Variants in ZMAT5 observed in about 807,000 individuals in gnomAD.
ZMAT5 encodes zinc finger matrin-type 5.
Under a neutral mutation model 28.0 loss-of-function variants are expected in ZMAT5, and 23 were observed. The ratio of observed to expected loss-of-function variants is 0.82; its 90% confidence interval spans 0.59 to 1.16. The LOEUF (loss-of-function observed/expected upper bound fraction) is 1.16, where lower values mean the gene tolerates loss of function less well. ZMAT5 is among the 50% of genes most tolerant of loss of function. ZMAT5 has a pLI of 0.00. For synonymous variants in ZMAT5, 76 were observed against 84.1 expected, an observed-to-expected ratio of 0.90 and a Z score of 0.52; for missense variants, 173 against 212.7, an observed-to-expected ratio of 0.81 and a Z score of 1.16.
intron 1 of ZMAT5, among the ~76,000 whole-genome samples, chr22:29,749,618 T>C (rs1382950904): frequency 6.6e-6 from 1 of 152,214 alleles, no homozygotes; most frequent in Non-Finnish European, 1.5e-5. Context: ...CTGCTTTATT[T>C]TCCCTCATAG....
At chr22:29,752,397 C>A (rs947447441) in intron 1 of ZMAT5, among the ~76,000 whole-genome samples, 63 of 152,178 alleles carry the variant, frequency 4.1e-4, no homozygotes, top group Non-Finnish European at 4.6e-4. Context: ...CCATGGGGGG[C>A]AAACCAGCTA....
chr22:29,738,576 A>ATCCT, intron 4 of ZMAT5, 135 bp from the exon 5 acceptor site: 1 of 688,372 alleles, frequency 1.5e-6, no homozygotes, highest in Non-Finnish European at 2.5e-6. Flanking sequence ...AGGAGGATGC[A>ATCCT]CCTGGACTGC....
At chr22:29,738,208 C>T (rs912526631) in intron 5 of ZMAT5, 122 bp downstream of exon 5, 9 of 943,204 alleles carry the variant, frequency 9.5e-6, no homozygotes, top group Admixed American at 2.4e-5. Flanking sequence ...TATGTGTAGG[C>T]AACTTTATTC....
chr22:29,763,974 T>C (rs540769776), intron 1 of ZMAT5, among the ~76,000 whole-genome samples: 1 of 151,348 alleles, frequency 6.6e-6, no homozygotes, highest in South Asian at 2.1e-4. Flanking sequence ...GTAATAATAA[T>C]AACCCAGCAT....
chr22:29,733,028 C>T (rs1212312991), intron 5 of ZMAT5, among the ~76,000 whole-genome samples: 2 of 152,192 alleles, frequency 1.3e-5, no homozygotes, highest in Non-Finnish European at 2.9e-5. Context: ...CTAGAGAAAC[C>T]TTAAGAATCC....
rs131269 is a variant in ZMAT5 at position 29,753,516 on chromosome 22, C to A, written c.-27-4945G>T. On this transcript the variant is annotated intron_variant, in intron 1 of 5. Transcript: ENST00000344318. ...CCCCAGCCTGGGTGACAGAGCAAGA[C>A]TCCATCTGAAAAAGAAAAAAAAAAT... 2.6e-5 allele frequency among the ~76,000 whole-genome samples: 4 copies of A among 151,840 alleles called. No homozygotes were observed. In the South Asian group the frequency reaches 6.2e-4, roughly 24 times the overall value.
chr22:29,743,345 G>A lies in ZMAT5; in HGVS notation c.128-865C>T, dbSNP rs8138421. On this transcript the variant is annotated intron_variant, in intron 2 of 5. Coordinates refer to ENST00000344318, the MANE Select transcript of ZMAT5 (RefSeq NM_001003692.2). ...ACTCAGGGCCAGACCAGCCACCGCCGCGGACAGGACTTCCGACAATCACTC... is the reference window on the plus strand; with the variant it reads ...ACTCAGGGCCAGACCAGCCACCGCCACGGACAGGACTTCCGACAATCACTC... Among the ~76,000 whole-genome samples, 1,474 of 152,236 alleles carry A rather than the reference G, an allele frequency of 9.7e-3. 20 individuals carry two copies. Among genetic ancestry groups the A allele is most frequent in the African/African-American group, 0.033 (1,381 of 41,528 alleles).
In ZMAT5 at chr22:29,731,180, T is replaced by C; in HGVS notation, c.*45A>G. ...ACCGGGCTTGGCTTCCTATTGTGAC[T>C]GATGAGAAAAGTGACCACGTGGGGG... On this transcript the variant is annotated 3_prime_UTR_variant, in exon 6 of 6. Transcript: ENST00000344318. 6.9e-7 allele frequency: 1 copy of C among 1,454,140 alleles called. No homozygotes were observed. The highest frequency in any genetic ancestry group is 9.0e-7 in the Non-Finnish European group (1 of 1,110,560). 90.1% of individuals were successfully genotyped at this position (1,454,140 alleles called of 1,614,324 possible).
chr22:29,737,779 A>G (rs1330188594), intron 5 of ZMAT5, among the ~76,000 whole-genome samples: 4 of 152,002 alleles, frequency 2.6e-5, no homozygotes, highest in Admixed American at 2.6e-4. Flanking sequence ...GACATCACGA[A>G]GCACACACCC....
At chr22:29,732,196 G>T (rs2147212197) in intron 5 of ZMAT5, among the ~76,000 whole-genome samples, 1 of 152,354 alleles carries the variant, frequency 6.6e-6, no homozygotes, top group East Asian at 1.9e-4. Flanking sequence ...GGGCCGCATG[G>T]CCCTTCTCAG....
chr22:29,754,793 G>C (rs1569339870), intron 1 of ZMAT5, among the ~76,000 whole-genome samples: 1 of 152,128 alleles, frequency 6.6e-6, no homozygotes. Context: ...AGGATAGCTT[G>C]AGCCCAAGGA....
chr22:29,746,907 G>A (rs977364073), intron 2 of ZMAT5: 2 of 152,136 alleles, frequency 1.3e-5, no homozygotes, highest in African/African-American at 4.8e-5. Context: ...ACCAGGGTTA[G>A]AGTCTCCTAG....
chr22:29,752,550 T>C (rs1248221919), intron 1 of ZMAT5, among the ~76,000 whole-genome samples: 2 of 152,090 alleles, frequency 1.3e-5, no homozygotes, highest in African/African-American at 4.8e-5. Context: ...CACATTCCAG[T>C]CCCAGCTCTG....
At chr22:29,743,681 C>T (rs934602197) in intron 2 of ZMAT5, among the ~76,000 whole-genome samples, 11 of 152,196 alleles carry the variant, frequency 7.2e-5, no homozygotes, top group African/African-American at 2.4e-4. Flanking sequence ...ATCCTCCCCA[C>T]TTGGCCTCCC....
intron 1 of ZMAT5, among the ~76,000 whole-genome samples, chr22:29,763,988 G>A (rs1342253742): frequency 6.6e-6 from 1 of 151,962 alleles, no homozygotes; most frequent in Non-Finnish European, 1.5e-5. Context: ...CCAGCATGGT[G>A]GTGCACACCT....
intron 5 of ZMAT5, among the ~76,000 whole-genome samples, chr22:29,736,639 G>A (rs1353896082): frequency 1.4e-5 from 2 of 143,746 alleles, no homozygotes; most frequent in Non-Finnish European, 3.0e-5. Flanking sequence ...AGAAATGTTT[G>A]AACCCAGGAG....
intron 5 of ZMAT5, 93 bp downstream of exon 5, chr22:29,738,237 G>T: frequency 1.6e-6 from 2 of 1,266,622 alleles, no homozygotes; most frequent in Non-Finnish European, 1.1e-6. Flanking sequence ...GGCCTGGGCA[G>T]TTCATGGAGA....
At chr22:29,765,433 A>C (rs1394152438) in intron 1 of ZMAT5, among the ~76,000 whole-genome samples, 1 of 151,928 alleles carries the variant, frequency 6.6e-6, no homozygotes, top group Non-Finnish European at 1.5e-5. Context: ...ACAAAAAACA[A>C]AAAACAAAAA....
intron 5 of ZMAT5, among the ~76,000 whole-genome samples, chr22:29,732,329 T>C (rs1376889878): frequency 9.9e-5 from 15 of 152,162 alleles, no homozygotes; most frequent in Admixed American, 9.8e-4. Flanking sequence ...CAACCTCACC[T>C]CTAGGAACTG....
Sources: gnomAD v4.1 joint callset for allele counts (sites outside exome capture counted in the v4.1 genomes callset) on GRCh38, gnomAD v4.1.1 for gene constraint, MANE v1.5 for transcripts, NCBI Gene and HGNC (gene_info 2026-07-23, HGNC 2026-07-21) for gene names.